TPO: variants seen among roughly 807,000 people sequenced by gnomAD.
TPO encodes thyroid microsomal antigen.
In TPO, 78 loss-of-function variants were observed where a neutral mutation model predicts 96.9. The observed-to-expected ratio is 0.81, with a 90% CI of 0.67 to 0.97. The LOEUF is 0.97. Among genes scored for constraint, TPO ranks in the 50% least tolerant of loss-of-function variants. The pLI, the probability that TPO is intolerant of heterozygous loss-of-function variation, is 0.00. For missense variants in TPO, 1,252 were observed against 1,274.8 expected, an observed-to-expected ratio of 0.98 and a Z score of 0.27; for synonymous variants, 547 against 538.0, an observed-to-expected ratio of 1.02 and a Z score of -0.23.
intron 1 of TPO, among the ~76,000 whole-genome samples, chr2:1,402,445 C>T (rs951563710): frequency 4.6e-5 from 7 of 152,130 alleles, no homozygotes; most frequent in East Asian, 3.9e-4. Context: ...GGAGCCAACA[C>T]GGAGCCAAGG....
rs969128436 is a variant in TPO, at chr2:1,477,989, T to C, written c.1338+385T>C. ...TCCCGGTGCGCACAGCCAAGCTACG[T>C]GCTTTACAGATTTCAACTCATTTAA... On this transcript the variant is annotated intron_variant, in intron 8 of 16. Coordinates refer to ENST00000329066, the MANE Select transcript of TPO (RefSeq NM_001206744.2). The C allele has an allele frequency of 7.1e-6, 7 of 985,202 alleles. No individual in the cohort carries two copies. The African/African-American group carries it at 1.2e-4, about 17-fold the overall frequency. 61.0% of individuals were successfully genotyped at this position (985,202 alleles called of 1,614,324 possible).
At chr2:1,533,002 C>G (rs1364203507) in intron 15 of TPO, among the ~76,000 whole-genome samples, 1 of 90,034 alleles carries the variant, frequency 1.1e-5, no homozygotes, top group African/African-American at 4.6e-5. Context: ...CTGTGTGCAA[C>G]CTCCTCTAGT....
chr2:1,494,189 A>T (rs934138072), intron 11 of TPO, 150 bp downstream of exon 11: 1 of 834,472 alleles, frequency 1.2e-6, no homozygotes, highest in Non-Finnish European at 2.0e-6. Context: ...TCCCACCCAC[A>T]GCTTCTTTAA....
intron 7 of TPO, among the ~76,000 whole-genome samples, chr2:1,468,830 C>G (rs1669129024): frequency 6.6e-6 from 1 of 152,204 alleles, no homozygotes. Context: ...TCTTCTTCCT[C>G]AGGAATGCTA....
Position 1,540,682 on chromosome 2 carries a change from G to A in TPO, c.2707G>A (p.Gly903Arg). 3 of 1,613,380 alleles carry A rather than the reference G, an allele frequency of 1.9e-6. No individual in the cohort carries two copies. The highest frequency in any genetic ancestry group is 1.7e-6 in the Non-Finnish European group (2 of 1,180,042). The change falls in exon 16 of 17, where the codon GGG becomes AGG. Residue 903 changes from glycine to arginine, a missense_variant. Physicochemically the swap from Gly to Arg is moderately radical, Grantham distance 125. Coordinates refer to ENST00000329066, the MANE Select transcript of TPO (RefSeq NM_001206744.2). ...GAGATGCGGAAAGCACCAGGCCGTA[G>A]GGACCTCACCGCAGCGGGCCGCAGC... ...ELRCGKHQAV[G>R]TSPQRAAAQD...
intron 5 of TPO, among the ~76,000 whole-genome samples, chr2:1,445,598 C>G (rs1666715894): frequency 7.0e-6 from 1 of 141,958 alleles, no homozygotes; most frequent in African/African-American, 2.7e-5. Flanking sequence ...ATGATCCAGT[C>G]ATTGCTGCAG....
upstream of TPO, among the ~76,000 whole-genome samples, chr2:1,409,415 GAATTT>G (rs1662293817): frequency 1.3e-5 from 2 of 152,264 alleles, no homozygotes; most frequent in South Asian, 2.1e-4. Flanking sequence ...TTTTACAGGG[GAATTT>G]AATTAAGTTT....
At chr2:1,374,074 G>C (rs546719346), upstream of TPO, 110 of 152,412 alleles carry the variant, frequency 7.2e-4, no homozygotes, top group African/African-American at 2.6e-3. Context: ...ACAAACAAGA[G>C]AGATGGTCAC....
intron 12 of TPO, 75 bp from the exon 13 acceptor site, chr2:1,496,520 C>A: frequency 1.9e-6 from 3 of 1,601,454 alleles, no homozygotes; most frequent in South Asian, 1.1e-5. Context: ...ACAAGCGCAC[C>A]CGTGACAGGG....
intron 15 of TPO, among the ~76,000 whole-genome samples, chr2:1,531,218 A>T (rs540962709): frequency 4.4e-4 from 49 of 111,702 alleles, no homozygotes; most frequent in African/African-American, 1.9e-3. Context: ...AACCACCCCA[A>T]ATCGCCCCCA....
At chr2:1,414,568 A>C in intron 2 of TPO, 66 bp downstream of exon 2, 2 of 1,466,682 alleles carry the variant, frequency 1.4e-6, no homozygotes, top group Non-Finnish European at 1.9e-6. Flanking sequence ...ACTAAAATAG[A>C]GGGCATAATG....
intron 1 of TPO, among the ~76,000 whole-genome samples, chr2:1,396,214 G>T (rs1271377312): frequency 1.3e-5 from 2 of 152,202 alleles, no homozygotes; most frequent in African/African-American, 4.8e-5. Flanking sequence ...GCCAGCAGGG[G>T]TTCCCCAGGA....
intron 13 of TPO, among the ~76,000 whole-genome samples, chr2:1,499,206 G>C: frequency 1.3e-5 from 2 of 152,098 alleles, no homozygotes; most frequent in East Asian, 3.9e-4. Context: ...TGCCCCCTGT[G>C]CGCGTGCCCT....
chr2:1,539,692 A>AT (rs1355787365), intron 15 of TPO, among the ~76,000 whole-genome samples: 1 of 152,076 alleles, frequency 6.6e-6, no homozygotes, highest in Non-Finnish European at 1.5e-5. Context: ...TAGGTATTAC[A>AT]GTATTGTCTA....
rs150489706 is a variant in TPO at position 1,484,792 on chromosome 2, C to A, written c.1535C>A (p.Pro512His). 16 of 1,614,082 alleles carry A rather than the reference C, an allele frequency of 9.9e-6. No individual in the cohort carries two copies. In the African/African-American group the frequency reaches 1.1e-4, roughly 11 times the overall value. ...CTGGACGCCAGCTTCCAGGAGCACC[C>A]CGACCTGCCCGGGCTGTGGCTGCAC... ...RRLDASFQEH[P>H]DLPGLWLHQA... Residue 512 changes from proline to histidine, a missense_variant, in exon 9 of 17, where the codon CCC becomes CAC. Transcript: ENST00000329066.
intron 5 of TPO, among the ~76,000 whole-genome samples, chr2:1,445,324 T>C (rs1221114210): frequency 1.1e-5 from 1 of 91,404 alleles, no homozygotes; most frequent in Non-Finnish European, 2.3e-5. Context: ...CCTGTTTGTA[T>C]GATCCAGTCA....
chr2:1,517,350 T>C (rs1055521890), intron 15 of TPO, among the ~76,000 whole-genome samples: 2 of 152,226 alleles, frequency 1.3e-5, no homozygotes, highest in Non-Finnish European at 2.9e-5. Context: ...TAAAAAGTTT[T>C]ATTCTTCAGT....
intron 15 of TPO, among the ~76,000 whole-genome samples, chr2:1,519,608 TTAATAAC>T (rs1675049525): frequency 6.6e-6 from 1 of 152,138 alleles, no homozygotes; most frequent in African/African-American, 2.4e-5. Context: ...CTTAAAAACT[TTAATAAC>T]TAATAATTAA....
intron 15 of TPO, among the ~76,000 whole-genome samples, chr2:1,539,470 C>T (rs1015209670): frequency 1.3e-5 from 2 of 152,164 alleles, no homozygotes; most frequent in African/African-American, 2.4e-5. Context: ...CTGAAGCCAC[C>T]AAGGACCGTT....
Sources: allele counts gnomAD v4.1 joint callset (sites outside exome capture counted in the v4.1 genomes callset), GRCh38; gene constraint gnomAD v4.1.1; transcripts MANE v1.5; gene names NCBI Gene and HGNC (gene_info 2026-07-23, HGNC 2026-07-21).